Variants in CLTC observed in about 807,000 individuals in gnomAD.
The protein encoded by CLTC is clathrin heavy chain 1.
Under a neutral mutation model 195.8 loss-of-function variants are expected in CLTC, and 16 were observed. That is an observed-to-expected ratio of 0.08 (90% CI 0.06 to 0.12). CLTC has a LOEUF of 0.12. CLTC is among the 10% of genes least tolerant of loss of function. The pLI is 1.00. For missense variants in CLTC, 796 were observed against 2,027.0 expected, an observed-to-expected ratio of 0.39 and a Z score of 11.66; for synonymous variants, 667 against 689.4, an observed-to-expected ratio of 0.97 and a Z score of 0.51.
chr17:59,667,650 A>T (rs1369148494), intron 13 of CLTC, among the ~76,000 whole-genome samples: 1 of 152,244 alleles, frequency 6.6e-6, no homozygotes, highest in African/African-American at 2.4e-5. Context: ...GTTCCTGTAC[A>T]TGTAGAATAT....
chr17:59,645,563 GAAGA>G (rs1159822701), intron 2 of CLTC, among the ~76,000 whole-genome samples: 4 of 152,172 alleles, frequency 2.6e-5, no homozygotes, highest in East Asian at 3.9e-4. Flanking sequence ...CATTTTGATA[GAAGA>G]AAGAAGAGTT....
intron 1 of CLTC, among the ~76,000 whole-genome samples, chr17:59,626,540 T>C (rs2031558668): frequency 1.3e-5 from 2 of 152,190 alleles, no homozygotes; most frequent in African/African-American, 2.4e-5. Context: ...GTATGTGTCC[T>C]TTTTTAGGGT....
intron 17 of CLTC, among the ~76,000 whole-genome samples, chr17:59,678,822 G>A (rs1435556298): frequency 6.8e-6 from 1 of 146,614 alleles, no homozygotes; most frequent in Non-Finnish European, 1.5e-5. Flanking sequence ...GCAACATAGC[G>A]AGCCCCCCGT....
At chr17:59,645,480 A>AATT (rs1235940077) in intron 2 of CLTC, among the ~76,000 whole-genome samples, 3 of 152,204 alleles carry the variant, frequency 2.0e-5, no homozygotes, top group Non-Finnish European at 2.9e-5. Flanking sequence ...TGACCCTTTA[A>AATT]AACAGATGTT....
chr17:59,667,916 T>G (rs2032767065), intron 13 of CLTC, among the ~76,000 whole-genome samples: 1 of 152,200 alleles, frequency 6.6e-6, no homozygotes, highest in Non-Finnish European at 1.5e-5. Flanking sequence ...GAGAGTCTAG[T>G]AGTTTTCTTA....
At chr17:59,679,149 C>T (rs1296695571) in intron 17 of CLTC, among the ~76,000 whole-genome samples, 1 of 152,226 alleles carries the variant, frequency 6.6e-6, no homozygotes, top group East Asian at 1.9e-4. Context: ...AATAAACACA[C>T]AAGAACAGCT....
intron 31 of CLTC, among the ~76,000 whole-genome samples, chr17:59,691,577 T>G (rs1258290665): frequency 6.6e-6 from 1 of 150,672 alleles, no homozygotes; most frequent in Non-Finnish European, 1.5e-5. Flanking sequence ...TGAGCCGAGG[T>G]CGTGCCACTG....
chr17:59,679,036 T>C (rs773607875), intron 17 of CLTC, among the ~76,000 whole-genome samples: 1 of 152,194 alleles, frequency 6.6e-6, no homozygotes, highest in Non-Finnish European at 1.5e-5. Context: ...ATCTGAGCTT[T>C]AGTGTATTTG....
intron 17 of CLTC, among the ~76,000 whole-genome samples, chr17:59,677,644 T>C (rs570153066): frequency 6.6e-6 from 1 of 152,320 alleles, no homozygotes; most frequent in South Asian, 2.1e-4. Flanking sequence ...TGTTCTATTC[T>C]AGTTTTGTCA....
intron 18 of CLTC, 72 bp from the exon 19 acceptor site, chr17:59,680,840 A>G (rs1395219822): frequency 7.7e-7 from 1 of 1,299,474 alleles, no homozygotes; most frequent in Non-Finnish European, 1.0e-6. Context: ...AAGTTTTCTA[A>G]TGAGAGGCCA....
chr17:59,643,612 T>G (rs2032106253), intron 1 of CLTC, among the ~76,000 whole-genome samples: 1 of 152,330 alleles, frequency 6.6e-6, no homozygotes, highest in South Asian at 2.1e-4. Context: ...AATCCTATAG[T>G]GTTACAAAAG....
Position 59,644,335 on chromosome 17 carries a change from T to C in CLTC, c.102T>C (p.Ser34=), listed in dbSNP as rs772232339. 3.7e-6 allele frequency: 6 copies of C among 1,613,998 alleles called. No individual in the cohort carries two copies. Among genetic ancestry groups the C allele is most frequent in the Non-Finnish European group, 5.1e-6 (6 of 1,180,018 alleles). The change falls in exon 2 of 32, where the codon TCT becomes TCC. Residue 34 remains serine, a synonymous_variant. Transcript: ENST00000269122. ...NIGFSTLTME[S]DKFICIREKV... ...GCTTCAGTACCCTGACTATGGAGTC[T>C]GACAAATTCATCTGCATTAGAGAAA... is the stretch of plus-strand genomic sequence containing the variant.
At chr17:59,649,423 A>G (rs2032275311) in intron 4 of CLTC, among the ~76,000 whole-genome samples, 1 of 152,214 alleles carries the variant, frequency 6.6e-6, no homozygotes, top group African/African-American at 2.4e-5. Context: ...AGTTTTAGGC[A>G]AGATCAGATG....
intron 18 of CLTC, among the ~76,000 whole-genome samples, chr17:59,679,841 G>T (rs2033045295): frequency 6.6e-6 from 1 of 152,042 alleles, no homozygotes. Flanking sequence ...GGCCGAGGTG[G>T]GTGGATCACC....
In CLTC at chr17:59,659,707, C is replaced by G. The variant is rs1334321598; in HGVS notation, c.970-684C>G. Among the ~76,000 whole-genome samples, 7 of 151,896 alleles carry G rather than the reference C, an allele frequency of 4.6e-5. No homozygotes were observed. In the East Asian group the frequency reaches 1.4e-3, roughly 29 times the overall value. On this transcript the variant is annotated intron_variant, in intron 6 of 31. Transcript: ENST00000269122. ...TCATGATCCACCTGCCTTGGCCTCC[C>G]AAAGTGCTGGGATTACAGGCGTGAG...
At position 59,685,485 on chromosome 17, in the gene CLTC, G is replaced by T; in HGVS notation, c.4606-102G>T. Reference sequence around the variant, plus strand: ...ACAACTAGGAGGCTTTTTTCCCCTTGCAAAACCAGATTTATATTGGAAAGT... The same window carrying T: ...ACAACTAGGAGGCTTTTTTCCCCTTTCAAAACCAGATTTATATTGGAAAGT... On this transcript the variant is annotated intron_variant, in intron 29 of 31. Coordinates refer to ENST00000269122, the MANE Select transcript of CLTC (RefSeq NM_004859.4). The surrounding 1 kb of genome is among the most constrained non-coding windows in gnomAD (Gnocchi z 5.0). 2.7e-6 allele frequency: 3 copies of T among 1,116,732 alleles called. No individual in the cohort carries two copies. The highest frequency in any genetic ancestry group is 3.8e-6 in the Non-Finnish European group (3 of 789,246). The allele number at this position is 1,116,732 out of a possible 1,614,324, so 69.2% of individuals were successfully genotyped here.
Position 59,669,011 on chromosome 17 carries a change from GT to G in CLTC, c.2292+73del. Reference sequence around the variant, plus strand: ...GCAGTTCTACAAGGGTTTGGTCATAGTTCAAAAATATTTTTTCCCTAAATGT... The same window carrying G: ...GCAGTTCTACAAGGGTTTGGTCATAGTCAAAAATATTTTTTCCCTAAATGT... On this transcript the variant is annotated intron_variant, in intron 14 of 31. Coordinates refer to ENST00000269122, the MANE Select transcript of CLTC (RefSeq NM_004859.4). The G allele has an allele frequency of 2.9e-6, 4 of 1,380,264 alleles. No homozygotes were observed. The East Asian group carries it at 9.7e-5, about 34-fold the overall frequency. 85.5% of individuals were successfully genotyped at this position (1,380,264 alleles called of 1,614,324 possible).
At chr17:59,643,899 G>A (rs563626853) in intron 1 of CLTC, among the ~76,000 whole-genome samples, 14 of 152,232 alleles carry the variant, frequency 9.2e-5, no homozygotes, top group East Asian at 7.7e-4. Flanking sequence ...TTCTTGAAGC[G>A]TGAACAAATA....
At chr17:59,662,395 C>T (rs760105725) in intron 8 of CLTC, among the ~76,000 whole-genome samples, 1 of 152,070 alleles carries the variant, frequency 6.6e-6, no homozygotes, top group African/African-American at 2.4e-5. Context: ...GGAATAGTGA[C>T]TGAGAAACAG....
Sources: allele counts gnomAD v4.1 joint callset (sites outside exome capture counted in the v4.1 genomes callset), GRCh38; gene constraint gnomAD v4.1.1; non-coding constraint Gnocchi (gnomAD v3.1); transcripts MANE v1.5; gene names NCBI Gene and HGNC (gene_info 2026-07-23, HGNC 2026-07-21).